Variants in TANC2 observed in about 807,000 individuals in gnomAD.
The protein encoded by TANC2 is tetratricopeptide repeat, ankyrin repeat and coiled-coil containing 2.
A neutral mutation model predicts 210.5 loss-of-function variants in TANC2; 26 were observed. That is an observed-to-expected ratio of 0.12 (90% CI 0.09 to 0.17). TANC2 has a LOEUF of 0.17. Among genes scored for constraint, TANC2 ranks in the 10% least tolerant of loss-of-function variants. The pLI, the probability that TANC2 is intolerant of heterozygous loss-of-function variation, is 1.00. For synonymous variants in TANC2, 931 were observed against 967.1 expected, an observed-to-expected ratio of 0.96 and a Z score of 0.69; for missense variants, 2,129 against 2,608.9, an observed-to-expected ratio of 0.82 and a Z score of 4.01.
intron 2 of TANC2, among the ~76,000 whole-genome samples, chr17:63,025,944 G>A (rs76544960): frequency 3.3e-4 from 50 of 151,804 alleles, no homozygotes; most frequent in Non-Finnish European, 3.1e-4. Flanking sequence ...CTTTGACTTC[G>A]TATCCTGTAA....
At chr17:63,240,352 G>A (rs1179902962) in intron 8 of TANC2, among the ~76,000 whole-genome samples, 1 of 152,166 alleles carries the variant, frequency 6.6e-6, no homozygotes, top group Non-Finnish European at 1.5e-5. Context: ...TGTTAATTCA[G>A]GGCTATGAGT....
At chr17:63,340,671 A>G (rs1007957524) in intron 12 of TANC2, among the ~76,000 whole-genome samples, 2 of 152,190 alleles carry the variant, frequency 1.3e-5, no homozygotes, top group African/African-American at 2.4e-5. Context: ...TGAAGTTTCT[A>G]TGGTTAGAAA....
At chr17:63,047,356 C>T (rs2035423573) in intron 2 of TANC2, among the ~76,000 whole-genome samples, 1 of 152,106 alleles carries the variant, frequency 6.6e-6, no homozygotes, top group South Asian at 2.1e-4. Flanking sequence ...GTTAGATTTG[C>T]ATTTCTAAAT....
chr17:63,415,046 C>T (rs748567645), intron 25 of TANC2, among the ~76,000 whole-genome samples: 6 of 152,200 alleles, frequency 3.9e-5, no homozygotes, highest in Admixed American at 6.5e-5. Flanking sequence ...TGCTTTAGCT[C>T]CCACATCCTT....
rs556819284 is a variant in TANC2, at chr17:62,973,997, C to T, written c.-24+7248C>T. ...ACTACTAGTTGCTGTCGAGACCATA[C>T]GGCCTGCAAAGCCTAAATATTTACT... On this transcript the variant is annotated intron_variant, in intron 1 of 27. Transcript: ENST00000689528. Among the ~76,000 whole-genome samples the T allele has an allele frequency of 3.6e-4, 55 of 152,298 alleles. No homozygotes were observed. The South Asian group carries it at 0.01, about 28-fold the overall frequency.
chr17:63,405,217 G>T (rs2048464837), exon 20 of TANC2: 6 of 1,608,220 alleles, frequency 3.7e-6, no homozygotes, highest in Non-Finnish European at 5.1e-6. Flanking sequence ...CCGAGGAGCA[G>T]TGCCACTATT....
chr17:63,032,938 C>G (rs2034830600), intron 2 of TANC2, among the ~76,000 whole-genome samples: 1 of 152,172 alleles, frequency 6.6e-6, no homozygotes, highest in Admixed American at 6.6e-5. Flanking sequence ...GCTATAATTT[C>G]TAGGTGCCCA....
intron 5 of TANC2, among the ~76,000 whole-genome samples, chr17:63,179,093 T>C (rs1037820029): frequency 2.0e-5 from 3 of 152,202 alleles, no homozygotes; most frequent in Non-Finnish European, 2.9e-5. Flanking sequence ...AGGGGGCCTG[T>C]ATTATATTTA....
At position 63,389,413 on chromosome 17, in the gene TANC2, A is replaced by G. The variant is rs114552067; in HGVS notation, c.2920A>G (p.Met974Val). The G allele has an allele frequency of 1.4e-4, 222 of 1,613,992 alleles. 1 individual carries two copies. In the African/African-American group the frequency reaches 2.7e-3, roughly 20 times the overall value. The change falls in exon 17 of 28, where the codon ATG becomes GTG. Residue 974 changes from methionine to valine, a missense_variant. Coordinates refer to ENST00000689528, the Ensembl canonical transcript of TANC2. Reference sequence around the variant, plus strand: ...TCAGTCCCATCTTGGTTACACAGAAATGGTAGCCCTGCTGCTGGAGTTCGG... The same window carrying G: ...TCAGTCCCATCTTGGTTACACAGAAGTGGTAGCCCTGCTGCTGGAGTTCGG...
intron 1 of TANC2, chr17:63,004,681 G>A: frequency 3.3e-6 from 1 of 307,052 alleles, no homozygotes; most frequent in South Asian, 3.8e-5. Flanking sequence ...GTCACCAGAG[G>A]TCCACAGTTG....
At chr17:63,130,762 C>T (rs1392893718) in intron 4 of TANC2, 1 of 152,094 alleles carries the variant, frequency 6.6e-6, no homozygotes, top group African/African-American at 2.4e-5. Flanking sequence ...GTTTATTCTG[C>T]CTTGAGGCTC....
chr17:63,425,854 C>T (rs767416299), exon 28 of TANC2: 3 of 152,292 alleles, frequency 2.0e-5, no homozygotes, highest in Non-Finnish European at 4.4e-5. Flanking sequence ...GAAGCCCCTT[C>T]TTCCCCATGA....
chr17:63,151,432 C>A, intron 5 of TANC2, 52 bp downstream of exon 5: 2 of 887,410 alleles, frequency 2.3e-6, no homozygotes, highest in Non-Finnish European at 1.4e-6. Context: ...TTGGATCAGG[C>A]CCATCCAGCA....
intron 10 of TANC2, among the ~76,000 whole-genome samples, chr17:63,315,689 A>G (rs2045293115): frequency 6.6e-6 from 1 of 152,230 alleles, no homozygotes; most frequent in African/African-American, 2.4e-5. Flanking sequence ...AGATAATAGT[A>G]GTTACAGGGT....
At chr17:63,117,146 A>G (rs898744573) in intron 4 of TANC2, 5 of 152,178 alleles carry the variant, frequency 3.3e-5, no homozygotes, top group Admixed American at 6.5e-5. Context: ...GCACTGCACC[A>G]TTCATCAGCT....
At chr17:63,312,491 C>A (rs998867378) in intron 9 of TANC2, among the ~76,000 whole-genome samples, 1 of 152,164 alleles carries the variant, frequency 6.6e-6, no homozygotes, top group Non-Finnish European at 1.5e-5. Flanking sequence ...TCTACATGTC[C>A]TCACTTATAA....
Position 63,412,253 on chromosome 17 carries a change from T to C in TANC2, c.3898+123T>C, listed in dbSNP as rs2048727192. The C allele has an allele frequency of 7.3e-6, 10 of 1,369,724 alleles. No homozygotes were observed. Among genetic ancestry groups the C allele is most frequent in the Non-Finnish European group, 3.0e-6 (3 of 1,003,852 alleles). The allele number at this position is 1,369,724 out of a possible 1,614,324, so 84.8% of individuals were successfully genotyped here. On this transcript the variant is annotated intron_variant, in intron 23 of 27. Coordinates refer to ENST00000689528, the Ensembl canonical transcript of TANC2. This position sits in a 1 kb window ranked among gnomAD's most constrained non-coding sequence, Gnocchi z 4.2. ...TCCCCCTCCTCCCTGGCCCAATTAT[T>C]GTCCAAGTGAACAGAGAGGCTCTTG...
chr17:63,057,776 T>C (rs1249403105), intron 2 of TANC2, among the ~76,000 whole-genome samples: 2 of 152,232 alleles, frequency 1.3e-5, no homozygotes, highest in African/African-American at 2.4e-5. Flanking sequence ...TTCTTTTTTA[T>C]GGCTGCATAG....
At chr17:63,267,855 A>C (rs1440480178) in exon 9 of TANC2, 1 of 1,612,096 alleles carries the variant, frequency 6.2e-7, no homozygotes, top group Non-Finnish European at 8.5e-7. Context: ...TGGTGCTCGC[A>C]CACAGCAGGA....
Sources: allele counts gnomAD v4.1 joint callset (sites outside exome capture counted in the v4.1 genomes callset), GRCh38; gene constraint gnomAD v4.1.1; non-coding constraint Gnocchi (gnomAD v3.1); transcripts MANE v1.5; gene names NCBI Gene and HGNC (gene_info 2026-07-23, HGNC 2026-07-21).